The following DCAF5 variants were observed in gnomAD, a reference collection of about 807,000 sequenced individuals.
DCAF5 encodes DDB1 and CUL4 associated factor 5.
DCAF5 carries 9 observed loss-of-function variants against 80.7 expected under a neutral mutation model. The observed-to-expected ratio is 0.11, with a 90% CI of 0.07 to 0.19. The LOEUF (loss-of-function observed/expected upper bound fraction) is 0.19, where lower values mean the gene tolerates loss of function less well. Among genes scored for constraint, DCAF5 ranks in the 10% least tolerant of loss-of-function variants. DCAF5 has a pLI of 1.00. For synonymous variants in DCAF5, 433 were observed against 461.9 expected, an observed-to-expected ratio of 0.94 and a Z score of 0.80; for missense variants, 842 against 1,205.7, an observed-to-expected ratio of 0.70 and a Z score of 4.47.
At chr14:69,123,702 T>A (rs764288029) in intron 1 of DCAF5, among the ~76,000 whole-genome samples, 2 of 152,020 alleles carry the variant, frequency 1.3e-5, no homozygotes, top group Non-Finnish European at 2.9e-5. Context: ...TCACTGTTCT[T>A]TTTTTTTGAG....
At chr14:69,131,759 CTTTT>C (rs11458918) in intron 1 of DCAF5, among the ~76,000 whole-genome samples, 14 of 133,872 alleles carry the variant, frequency 1.0e-4, no homozygotes, top group Non-Finnish European at 1.6e-4. Flanking sequence ...ACTTTCCAGG[CTTTT>C]TTTTTTTTTT....
chr14:69,081,017 A>G (rs377216541), intron 6 of DCAF5, among the ~76,000 whole-genome samples: 3 of 152,258 alleles, frequency 2.0e-5, no homozygotes, highest in Non-Finnish European at 4.4e-5. Flanking sequence ...TTAGTACTAA[A>G]AAAAGGCAAT....
chr14:69,113,364 C>A (rs552572591), intron 5 of DCAF5, among the ~76,000 whole-genome samples: 45 of 152,130 alleles, frequency 3.0e-4, no homozygotes, highest in Non-Finnish European at 5.4e-4. Context: ...AATCAGAACA[C>A]CAAGCAACTC....
At chr14:69,075,468 A>G (rs1397554285) in intron 6 of DCAF5, 57 bp from the exon 7 acceptor site, 1 of 1,089,554 alleles carries the variant, frequency 9.2e-7, no homozygotes, top group African/African-American at 1.6e-5. Context: ...GAATAAATAC[A>G]ATATGTAACA....
chr14:69,051,206 G>GA lies in DCAF5; in HGVS notation c.*2650dup, dbSNP rs1481524131. ...TTAAAACTTTATGTACAGAATGCAG[G>GA]AAAAAAACATAAGAGGCACTTCCAA... On this transcript the variant is annotated 3_prime_UTR_variant, in exon 9 of 9. Coordinates refer to ENST00000341516, the MANE Select transcript of DCAF5 (RefSeq NM_003861.3). 2 of 152,510 alleles carry GA rather than the reference G, an allele frequency of 1.3e-5. No individual in the cohort carries two copies. The highest frequency in any genetic ancestry group is 4.8e-5 in the African/African-American group (2 of 41,428). 9.4% of individuals were successfully genotyped at this position (152,510 alleles called of 1,614,324 possible).
At chr14:69,109,848 T>C (rs977144534) in intron 5 of DCAF5, among the ~76,000 whole-genome samples, 1 of 152,206 alleles carries the variant, frequency 6.6e-6, no homozygotes, top group Non-Finnish European at 1.5e-5. Flanking sequence ...AAGAGTGAGA[T>C]TGCTGGGTCA....
chr14:69,064,718 T>C (rs2038363961), intron 7 of DCAF5, among the ~76,000 whole-genome samples: 1 of 152,192 alleles, frequency 6.6e-6, no homozygotes, highest in Non-Finnish European at 1.5e-5. Flanking sequence ...CTCTACAGCA[T>C]TACCATAAGC....
Position 69,075,333 on chromosome 14 carries a change from G to T in DCAF5, c.946+12C>A. ...AGCAATAGCAGTACATTCATGTGAA[G>T]GATATACTTGCCTGCTTCTGGATCT... On this transcript the variant is annotated intron_variant, in intron 7 of 8. Coordinates refer to ENST00000341516, the MANE Select transcript of DCAF5 (RefSeq NM_003861.3). The T allele has an allele frequency of 6.2e-7, 1 of 1,602,756 alleles. No individual in the cohort carries two copies. Among genetic ancestry groups the T allele is most frequent in the South Asian group, 1.1e-5 (1 of 89,568 alleles).
chr14:69,067,425 C>A (rs548345009), intron 7 of DCAF5, among the ~76,000 whole-genome samples: 1 of 149,628 alleles, frequency 6.7e-6, no homozygotes, highest in Admixed American at 6.7e-5. Context: ...CTCACTGCAA[C>A]CCCCCGCTCC....
Position 69,054,153 on chromosome 14 carries a change from G to C in DCAF5, c.2533C>G (p.His845Asp), listed in dbSNP as rs199498666. The C allele has an allele frequency of 3.7e-6, 6 of 1,614,160 alleles. No homozygotes were observed. In the South Asian group the frequency reaches 6.6e-5, roughly 18 times the overall value. ...TCCCCCAAGTTCTGCCCGTTATTGT[G>C]AGGGTGAGGGGGACGAGGGTGTAAG... ...GRLHPRPPHP[H>D]NNGQNLGELE... The change falls in exon 9 of 9, where the codon CAC becomes GAC. Residue 845 changes from histidine (H) to aspartate (D), a missense_variant. By Grantham distance (81) the His-to-Asp change is moderately conservative. Around this residue, in one of 5 missense-constraint regions of DCAF5, gnomAD observed 607 missense variants for 656.6 expected, o/e 0.92. Transcript: ENST00000341516.
At chr14:69,079,230 G>A (rs1490726739) in intron 6 of DCAF5, among the ~76,000 whole-genome samples, 1 of 152,204 alleles carries the variant, frequency 6.6e-6, no homozygotes, top group Non-Finnish European at 1.5e-5. Context: ...GCCATGAGAA[G>A]GGAAAACAGG....
chr14:69,090,684 CT>C (rs1298059840), intron 6 of DCAF5: 1 of 156,048 alleles, frequency 6.4e-6, no homozygotes, highest in African/African-American at 2.4e-5. Context: ...TTGCCAGTTT[CT>C]CAAAGAAATT....
intron 1 of DCAF5, among the ~76,000 whole-genome samples, chr14:69,131,266 T>C (rs563550326): frequency 4.6e-5 from 7 of 152,334 alleles, no homozygotes; most frequent in South Asian, 2.1e-4. Context: ...CTTTTCTTTT[T>C]TTTTAACTGT....
chr14:69,133,759 CAGAA>C (rs2041111131), intron 1 of DCAF5, among the ~76,000 whole-genome samples: 1 of 152,148 alleles, frequency 6.6e-6, no homozygotes, highest in Non-Finnish European at 1.5e-5. Flanking sequence ...GTAAGTAGAA[CAGAA>C]ACATCCCCAT....
At chr14:69,084,400 T>A in intron 6 of DCAF5, 1 of 909,472 alleles carries the variant, frequency 1.1e-6, no homozygotes. Context: ...TCTTGGATGT[T>A]GAGTTTGAAG....
intron 1 of DCAF5, among the ~76,000 whole-genome samples, chr14:69,144,301 G>A (rs1458029839): frequency 4.6e-5 from 7 of 151,822 alleles, no homozygotes; most frequent in South Asian, 2.1e-4. Flanking sequence ...GGCCAGGCGC[G>A]GTGGCTCACG....
At chr14:69,077,221 G>A (rs1007525487) in intron 6 of DCAF5, among the ~76,000 whole-genome samples, 4 of 152,158 alleles carry the variant, frequency 2.6e-5, no homozygotes, top group Non-Finnish European at 5.9e-5. Flanking sequence ...GTGTGTGTAT[G>A]TGACAGCGTC....
In DCAF5 at chr14:69,052,422, A is replaced by C. The variant is rs2037791882; in HGVS notation, c.*1435T>G. On this transcript the variant is annotated 3_prime_UTR_variant, in exon 9 of 9. Transcript: ENST00000341516. ...CTAGTTGTCTAGCACCTTTGCACTC[A>C]AGAAAGTTATATTGTTTTTCTCTCT... 1 of 152,708 alleles carries C rather than the reference A, an allele frequency of 6.5e-6. No homozygotes were observed. Among genetic ancestry groups the C allele is most frequent in the African/African-American group, 2.4e-5 (1 of 41,448 alleles). The allele number at this position is 152,708 out of a possible 1,614,324, so 9.5% of individuals were successfully genotyped here.
Position 69,087,682 on chromosome 14 carries a change from G to T in DCAF5, c.879+3992C>A, listed in dbSNP as rs1594973155. Among the ~76,000 whole-genome samples the T allele has an allele frequency of 2.0e-5, 3 of 152,136 alleles. No individual in the cohort carries two copies. In the East Asian group the frequency reaches 5.8e-4, roughly 29 times the overall value. On this transcript the variant is annotated intron_variant, in intron 6 of 8. Coordinates refer to ENST00000341516, the MANE Select transcript of DCAF5 (RefSeq NM_003861.3). Reference sequence around the variant, plus strand: ...GGCTTTGAGTGCAAATCTCAAAGAGGGTACCATCTGGCAATGTTATGTGAA... The same window carrying T: ...GGCTTTGAGTGCAAATCTCAAAGAGTGTACCATCTGGCAATGTTATGTGAA...
Sources: gnomAD v4.1 joint callset for allele counts (sites outside exome capture counted in the v4.1 genomes callset) on GRCh38, gnomAD v4.1.1 for gene constraint, gnomAD v4.1.1 regional missense constraint, MANE v1.5 for transcripts, NCBI Gene and HGNC (gene_info 2026-07-23, HGNC 2026-07-21) for gene names.